The following IQCH variants were observed in gnomAD, a reference collection of about 807,000 sequenced individuals.
The protein encoded by IQCH is IQ motif containing H.
In IQCH, 98 loss-of-function variants were observed where a neutral mutation model predicts 117.0. That is an observed-to-expected ratio of 0.84 (90% CI 0.71 to 0.99). IQCH has a LOEUF of 0.99. Among genes scored for constraint, IQCH ranks in the 50% least tolerant of loss-of-function variants. The probability of loss-of-function intolerance (pLI) is 0.00; values close to 1 mark genes in which losing one functional copy is unlikely to be tolerated. For missense variants in IQCH, 1,102 were observed against 1,243.8 expected (o/e 0.89, Z 1.72); for synonymous variants, 412 against 448.2 (o/e 0.92, Z 1.02).
At chr15:67,361,220 T>G (rs1336119041) in intron 8 of IQCH, among the ~76,000 whole-genome samples, 1 of 152,204 alleles carries the variant, frequency 6.6e-6, no homozygotes, top group Non-Finnish European at 1.5e-5. Context: ...GCTTTTCAAA[T>G]AGTACTACTA....
At chr15:67,362,559 A>G (rs1176256499) in intron 8 of IQCH, among the ~76,000 whole-genome samples, 1 of 152,200 alleles carries the variant, frequency 6.6e-6, no homozygotes, top group East Asian at 1.9e-4. Context: ...TAATCAGGCA[A>G]TATGTGTGAC....
intron 4 of IQCH, among the ~76,000 whole-genome samples, chr15:67,318,263 T>C (rs970639567): frequency 1.3e-5 from 2 of 152,156 alleles, no homozygotes; most frequent in Non-Finnish European, 2.9e-5. Context: ...CTCTTTCTCT[T>C]TCTTTCTCTT....
rs1387550539 is a variant in IQCH, at chr15:67,385,464, A to T, written c.1456+445A>T. Among the ~76,000 whole-genome samples the T allele has an allele frequency of 1.3e-5, 2 of 152,224 alleles. No homozygotes were observed. The highest frequency in any genetic ancestry group is 4.8e-5 in the African/African-American group (2 of 41,460). On this transcript the variant is annotated intron_variant, in intron 11 of 20. Coordinates refer to ENST00000335894, the MANE Select transcript of IQCH (RefSeq NM_001031715.3). The surrounding 1 kb of genome is among the most constrained non-coding windows in gnomAD (Gnocchi z 4.6). ...AAGGGGAAAATTAAGATAGATTTTT[A>T]AAAGAAGCTTTTATTTAAATATAGA...
At chr15:67,308,703 T>C (rs1596150092) in intron 4 of IQCH, among the ~76,000 whole-genome samples, 1 of 151,898 alleles carries the variant, frequency 6.6e-6, no homozygotes, top group Middle Eastern at 3.4e-3. Context: ...GTGGTGGAGG[T>C]GGTAGTGTAT....
At chr15:67,412,960 T>G (rs2081485426) in intron 14 of IQCH, among the ~76,000 whole-genome samples, 1 of 152,148 alleles carries the variant, frequency 6.6e-6, no homozygotes, top group South Asian at 2.1e-4. Context: ...TGCAGAGTGT[T>G]GCTGAAAGTA....
intron 4 of IQCH, among the ~76,000 whole-genome samples, chr15:67,323,399 T>G (rs1968240502): frequency 6.6e-6 from 1 of 151,784 alleles, no homozygotes; most frequent in Admixed American, 6.6e-5. Flanking sequence ...CCCACCACCA[T>G]GCCTGGCTAA....
At position 67,472,450 on chromosome 15, in the gene IQCH, A is replaced by T. The variant is rs548309702; in HGVS notation, c.2677-3246A>T. Reference sequence around the variant, plus strand: ...ACAGACCAACCTGTGTTAGGGGGAAATGATTAATCCGGTGATACTGTTCAG... The same window carrying T: ...ACAGACCAACCTGTGTTAGGGGGAATTGATTAATCCGGTGATACTGTTCAG... On this transcript the variant is annotated intron_variant, in intron 17 of 20. Coordinates refer to ENST00000335894, the MANE Select transcript of IQCH (RefSeq NM_001031715.3). The surrounding 1 kb of genome is among the most constrained non-coding windows in gnomAD (Gnocchi z 4.3). Among the ~76,000 whole-genome samples the T allele has an allele frequency of 3.3e-5, 5 of 152,328 alleles. No individual in the cohort carries two copies. The highest frequency in any genetic ancestry group is 1.2e-4 in the African/African-American group (5 of 41,582).
rs559190568 is a variant in IQCH, at chr15:67,447,486, G to T, written c.2506-17641G>T. Among the ~76,000 whole-genome samples the T allele has an allele frequency of 6.6e-6, 1 of 152,146 alleles. No individual in the cohort carries two copies. Among genetic ancestry groups the T allele is most frequent in the Non-Finnish European group, 1.5e-5 (1 of 68,006 alleles). On this transcript the variant is annotated intron_variant, in intron 16 of 20. Transcript: ENST00000335894. This position sits in a 1 kb window ranked among gnomAD's most constrained non-coding sequence, Gnocchi z 5.3. ...AAGGTTCCCTTATGATAAGCATGTA[G>T]TACCTGGGACTCAACCCTCTACCAT...
intron 4 of IQCH, chr15:67,304,375 C>A: frequency 6.5e-7 from 1 of 1,533,410 alleles, no homozygotes; most frequent in Non-Finnish European, 8.7e-7. Flanking sequence ...CTTGCAGGAT[C>A]CTGAAAACAT....
chr15:67,288,223 A>G (rs1435510057), intron 4 of IQCH, among the ~76,000 whole-genome samples: 1 of 152,096 alleles, frequency 6.6e-6, no homozygotes, highest in Non-Finnish European at 1.5e-5. Flanking sequence ...TTCTGCAGCC[A>G]TGGGATGAAA....
intron 13 of IQCH, among the ~76,000 whole-genome samples, chr15:67,399,894 C>CT (rs1201973525): frequency 2.0e-5 from 3 of 152,214 alleles, no homozygotes; most frequent in African/African-American, 7.2e-5. Flanking sequence ...TAAGACTGTG[C>CT]TTTTAAACAT....
At chr15:67,328,202 T>C (rs920881216) in intron 4 of IQCH, among the ~76,000 whole-genome samples, 2 of 152,242 alleles carry the variant, frequency 1.3e-5, no homozygotes, top group African/African-American at 4.8e-5. Flanking sequence ...ATTATTGTCT[T>C]CAGGAGAGAG....
rs772489571 is a variant in IQCH, at chr15:67,342,496, A to G, written c.509-1567A>G. On this transcript the variant is annotated intron_variant, in intron 5 of 20. Transcript: ENST00000335894. The surrounding 1 kb of genome is among the most constrained non-coding windows in gnomAD (Gnocchi z 4.7). ...AAGCAAGGGTTGAAATCGTGCTTAT[A>G]GTCTTCAGAATTCTCAGAAAATGAA... Among the ~76,000 whole-genome samples the G allele has an allele frequency of 1.1e-4, 16 of 152,194 alleles. No individual in the cohort carries two copies. The highest frequency in any genetic ancestry group is 1.8e-4 in the Non-Finnish European group (12 of 68,026).
In IQCH at chr15:67,433,241, T is replaced by C. The variant is rs893219097; in HGVS notation, c.2505+11664T>C. Among the ~76,000 whole-genome samples the C allele has an allele frequency of 6.6e-6, 1 of 152,192 alleles. No homozygotes were observed. The highest frequency in any genetic ancestry group is 2.4e-5 in the African/African-American group (1 of 41,450). On this transcript the variant is annotated intron_variant, in intron 16 of 20. Transcript: ENST00000335894. This position sits in a 1 kb window ranked among gnomAD's most constrained non-coding sequence, Gnocchi z 5.4. ...AAAGAGACCTATAATATGCAAGTAATAGTAATGATGATGGCAATGATGATG... is the reference window on the plus strand; with the variant it reads ...AAAGAGACCTATAATATGCAAGTAACAGTAATGATGATGGCAATGATGATG...
At chr15:67,262,367 T>G (rs1965498364) in intron 2 of IQCH, among the ~76,000 whole-genome samples, 1 of 152,212 alleles carries the variant, frequency 6.6e-6, no homozygotes, top group Admixed American at 6.5e-5. Context: ...TTATTTTCAG[T>G]GTCTCTGCTC....
intron 18 of IQCH, among the ~76,000 whole-genome samples, chr15:67,478,150 C>T (rs147783304): frequency 0.015 from 2,338 of 151,978 alleles, 64 homozygotes; most frequent in African/African-American, 0.054. Context: ...TTTGGGAGGC[C>T]GAGGTGGGTG....
chr15:67,286,062 C>G (rs957756043), intron 4 of IQCH, among the ~76,000 whole-genome samples: 2 of 152,144 alleles, frequency 1.3e-5, no homozygotes, highest in Non-Finnish European at 2.9e-5. Context: ...TTCTTCCAAT[C>G]CATGAACATG....
intron 4 of IQCH, among the ~76,000 whole-genome samples, chr15:67,297,765 A>G (rs72625778): frequency 0.21 from 31,864 of 152,158 alleles, 4,062 homozygotes; most frequent in East Asian, 0.47. Context: ...CCCTCGTTTA[A>G]AAAATGTCAT....
At chr15:67,449,756 G>C (rs950089241) in intron 16 of IQCH, among the ~76,000 whole-genome samples, 4 of 152,146 alleles carry the variant, frequency 2.6e-5, no homozygotes, top group African/African-American at 9.7e-5. Flanking sequence ...TTCCAATTCT[G>C]TGAAGAAAGT....
Sources: allele counts gnomAD v4.1 joint callset (sites outside exome capture counted in the v4.1 genomes callset), GRCh38; gene constraint gnomAD v4.1.1; non-coding constraint Gnocchi (gnomAD v3.1); transcripts MANE v1.5; gene names NCBI Gene and HGNC (gene_info 2026-07-23, HGNC 2026-07-21).